FOXP2: variants seen among roughly 807,000 people sequenced by gnomAD.
FOXP2 encodes forkhead box protein P2.
Under a neutral mutation model 115.8 loss-of-function variants are expected in FOXP2, and 12 were observed. That is an observed-to-expected ratio of 0.10 (90% CI 0.07 to 0.17). FOXP2 has a LOEUF of 0.17. FOXP2 is among the 10% of genes least tolerant of loss of function. The pLI, the probability that FOXP2 is intolerant of heterozygous loss-of-function variation, is 1.00. For missense variants in FOXP2, 629 were observed against 843.5 expected (o/e 0.75, Z 3.15); for synonymous variants, 328 against 297.7 (o/e 1.10, Z -1.05).
At chr7:114,176,525 G>T (rs1044353853) in intron 1 of FOXP2, among the ~76,000 whole-genome samples, 1 of 151,598 alleles carries the variant, frequency 6.6e-6, no homozygotes. Flanking sequence ...TTTTTTTGTA[G>T]AGTCGGGATT....
chr7:114,166,469 C>T (rs1315498316), intron 1 of FOXP2, among the ~76,000 whole-genome samples: 2 of 152,074 alleles, frequency 1.3e-5, no homozygotes, highest in African/African-American at 4.8e-5. Context: ...TTTGGGAGTT[C>T]CGACGTGGGC....
intron 2 of FOXP2, among the ~76,000 whole-genome samples, chr7:114,492,783 G>A (rs1797127024): frequency 6.6e-6 from 1 of 152,102 alleles, no homozygotes; most frequent in Non-Finnish European, 1.5e-5. Context: ...GAGACAGTTT[G>A]TTATAATTTC....
chr7:114,404,620 A>G (rs1792988783), intron 2 of FOXP2, among the ~76,000 whole-genome samples: 1 of 152,064 alleles, frequency 6.6e-6, no homozygotes, highest in Non-Finnish European at 1.5e-5. Flanking sequence ...TTTTAAAATT[A>G]AGGTTTTTTC....
chr7:114,173,262 C>T (rs766077731), intron 1 of FOXP2, among the ~76,000 whole-genome samples: 4 of 151,770 alleles, frequency 2.6e-5, no homozygotes, highest in Non-Finnish European at 5.9e-5. Context: ...AGACTATCTT[C>T]GTATTCTTTC....
rs146185995 is a variant in FOXP2, at chr7:114,218,114, A to G, written c.-102+55026A>G. 4.4e-3 allele frequency among the ~76,000 whole-genome samples: 664 copies of G among 152,282 alleles called. 8 individuals carry two copies. Among genetic ancestry groups the G allele is most frequent in the African/African-American group, 0.015 (630 of 41,576 alleles). ...TTAGACTGTGAGGACTCTGTCCCCC[A>G]TACCTCAGAAAGTGCTAACACTCAT... On this transcript the variant is annotated intron_variant, in intron 1 of 17. Coordinates refer to the FOXP2 transcript ENST00000634411.
At chr7:114,418,237 C>T (rs1793441108) in intron 1 of FOXP2, among the ~76,000 whole-genome samples, 2 of 151,902 alleles carry the variant, frequency 1.3e-5, no homozygotes, top group South Asian at 4.1e-4. Context: ...AGAAATGTTT[C>T]TGTGTTGTCA....
chr7:114,420,150 A>G (rs1793552503), intron 1 of FOXP2, among the ~76,000 whole-genome samples: 1 of 151,888 alleles, frequency 6.6e-6, no homozygotes, highest in African/African-American at 2.4e-5. Flanking sequence ...GGTTAAGGAA[A>G]GATATGTGGC....
intron 2 of FOXP2, among the ~76,000 whole-genome samples, chr7:114,355,558 C>A (rs1309100983): frequency 2.0e-5 from 3 of 151,882 alleles, no homozygotes. Flanking sequence ...TTCAGACTGT[C>A]CGGAAGGCTG....
At chr7:114,457,751 A>C (rs575945348) in intron 2 of FOXP2, among the ~76,000 whole-genome samples, 2 of 152,112 alleles carry the variant, frequency 1.3e-5, no homozygotes, top group Non-Finnish European at 2.9e-5. Flanking sequence ...ACAAAAAACT[A>C]GCCAGGCGTG....
intron 1 of FOXP2, among the ~76,000 whole-genome samples, chr7:114,425,849 T>C (rs200801178): frequency 1.3e-5 from 2 of 151,786 alleles, no homozygotes; most frequent in East Asian, 3.9e-4. Flanking sequence ...AATAAATGAA[T>C]ATGAGCTGTT....
chr7:114,237,620 C>T (rs1288153908), intron 1 of FOXP2, among the ~76,000 whole-genome samples: 2 of 151,892 alleles, frequency 1.3e-5, no homozygotes, highest in Non-Finnish European at 2.9e-5. Context: ...TAAATCTCTG[C>T]TTTTGTTGCT....
At chr7:114,446,746 T>C (rs568915453) in intron 2 of FOXP2, among the ~76,000 whole-genome samples, 7 of 148,836 alleles carry the variant, frequency 4.7e-5, no homozygotes, top group African/African-American at 1.7e-4. Flanking sequence ...TTTCTTTCTT[T>C]CTTTTTTTTT....
chr7:114,368,729 C>T (rs1791938618), intron 2 of FOXP2, among the ~76,000 whole-genome samples: 1 of 152,204 alleles, frequency 6.6e-6, no homozygotes, highest in African/African-American at 2.4e-5. Flanking sequence ...GTCTGGGTAG[C>T]ACTGTTCCAA....
At chr7:114,684,932 A>G (rs548269961) in intron 16 of FOXP2, among the ~76,000 whole-genome samples, 2 of 152,218 alleles carry the variant, frequency 1.3e-5, no homozygotes, top group Non-Finnish European at 2.9e-5. Flanking sequence ...ATTTTACTCA[A>G]ACTATTGGCT....
chr7:114,515,405 C>CAT lies in FOXP2; in HGVS notation c.169-19212_169-19211insAT, dbSNP rs1245881939. On this transcript the variant is annotated intron_variant, in intron 2 of 16. Transcript: ENST00000350908. ...TTGTTTCCTGACTTTTTAATGATTGCCATTCTAACTGGTGTGAGATGGTAT... is the reference window on the plus strand; with the variant it reads ...TTGTTTCCTGACTTTTTAATGATTGCATCATTCTAACTGGTGTGAGATGGTAT... Among the ~76,000 whole-genome samples, 140 of 150,618 alleles carry CAT rather than the reference C, an allele frequency of 9.3e-4. No homozygotes were observed. In the East Asian group the frequency reaches 0.018, roughly 20 times the overall value.
chr7:114,143,494 G>A (rs1398277427), intron 1 of FOXP2, among the ~76,000 whole-genome samples: 2 of 151,948 alleles, frequency 1.3e-5, no homozygotes, highest in Admixed American at 6.6e-5. Context: ...TATGACAATA[G>A]TTTATTTTTC....
chr7:114,420,225 A>C (rs1793557303), intron 1 of FOXP2, among the ~76,000 whole-genome samples: 1 of 151,938 alleles, frequency 6.6e-6, no homozygotes, highest in Non-Finnish European at 1.5e-5. Context: ...CCAGGGGATC[A>C]GTGAAGGCTA....
At chr7:114,165,648 C>G (rs577003045) in intron 1 of FOXP2, among the ~76,000 whole-genome samples, 3 of 152,212 alleles carry the variant, frequency 2.0e-5, no homozygotes, top group East Asian at 3.9e-4. Flanking sequence ...GAGATAGTCC[C>G]TTTTCATGGA....
At chr7:114,320,445 G>T (rs187705461) in intron 2 of FOXP2, among the ~76,000 whole-genome samples, 2 of 152,018 alleles carry the variant, frequency 1.3e-5, no homozygotes, top group African/African-American at 2.4e-5. Context: ...ACTTAATTAC[G>T]TGTTTGTTTG....
Sources: allele counts gnomAD v4.1 joint callset (sites outside exome capture counted in the v4.1 genomes callset), GRCh38; gene constraint gnomAD v4.1.1; transcripts MANE v1.5; gene names NCBI Gene and HGNC (gene_info 2026-07-23, HGNC 2026-07-21).